Variants in CA10 observed in about 807,000 individuals in gnomAD.
CA10 encodes the protein carbonic anhydrase 10 (inactive).
In CA10, 14 loss-of-function variants were observed where a neutral mutation model predicts 44.2. The observed-to-expected ratio is 0.32, with a 90% CI of 0.21 to 0.50. The LOEUF (loss-of-function observed/expected upper bound fraction) is 0.50. Ranked by LOEUF, CA10 falls within the 20% of genes least tolerant of loss-of-function variation. The probability of loss-of-function intolerance (pLI) is 0.99; values close to 1 mark genes in which losing one functional copy is unlikely to be tolerated. For synonymous variants in CA10, 159 were observed against 141.6 expected (o/e 1.12, Z -0.87); for missense variants, 350 against 409.7 (o/e 0.85, Z 1.26).
intron 4 of CA10, among the ~76,000 whole-genome samples, chr17:51,672,818 GC>G (rs1156245149): frequency 6.6e-6 from 1 of 152,162 alleles, no homozygotes; most frequent in Non-Finnish European, 1.5e-5. Context: ...AATTCTACCA[GC>G]CCAGATCCCT....
At chr17:51,779,506 T>C (rs1221607961) in intron 3 of CA10, among the ~76,000 whole-genome samples, 2 of 152,146 alleles carry the variant, frequency 1.3e-5, no homozygotes, top group Non-Finnish European at 2.9e-5. Flanking sequence ...AATCTGAAGG[T>C]GCTGCAGCAG....
chr17:51,761,994 G>C (rs1905227993), intron 3 of CA10: 1 of 152,122 alleles, frequency 6.6e-6, no homozygotes, highest in Non-Finnish European at 1.5e-5. Flanking sequence ...TTTCTAACTA[G>C]AGATCATATC....
intron 1 of CA10, among the ~76,000 whole-genome samples, chr17:52,104,202 T>TC (rs1491331223): frequency 1.3e-5 from 2 of 149,400 alleles, no homozygotes. Flanking sequence ...TTTTTTTTTT[T>TC]CTTCTCTGAG....
chr17:51,798,200 A>G (rs970417711), intron 3 of CA10, among the ~76,000 whole-genome samples: 25 of 152,240 alleles, frequency 1.6e-4, no homozygotes, highest in Admixed American at 2.6e-4. Flanking sequence ...GGGCAAGCAC[A>G]TTTATTGATC....
At chr17:51,890,835 G>T (rs544175567) in intron 3 of CA10, among the ~76,000 whole-genome samples, 1 of 152,314 alleles carries the variant, frequency 6.6e-6, no homozygotes, top group East Asian at 1.9e-4. Flanking sequence ...CTAGTTGACA[G>T]TTATGCCAGG....
At chr17:51,839,496 T>C (rs1412826617) in intron 3 of CA10, among the ~76,000 whole-genome samples, 1 of 64,378 alleles carries the variant, frequency 1.6e-5, no homozygotes, top group Non-Finnish European at 2.5e-5. Flanking sequence ...GCAAGACTCC[T>C]TCTCAAAAAA....
At chr17:52,098,062 C>CAG (rs1173189351) in intron 1 of CA10, among the ~76,000 whole-genome samples, 2 of 152,134 alleles carry the variant, frequency 1.3e-5, no homozygotes, top group Admixed American at 1.3e-4. Context: ...GCCTGTGCTG[C>CAG]AGCTGGCCTG....
chr17:51,849,231 G>GTA (rs1441221955), intron 3 of CA10, among the ~76,000 whole-genome samples: 1,028 of 55,270 alleles, frequency 0.019, 6 homozygotes, highest in East Asian at 0.062. Context: ...ATATATGTGT[G>GTA]TGTATATATA....
chr17:52,135,746 C>G (rs1989343462), intron 1 of CA10, among the ~76,000 whole-genome samples: 1 of 152,126 alleles, frequency 6.6e-6, no homozygotes, highest in Non-Finnish European at 1.5e-5. Context: ...ATACTTGTCT[C>G]CCTCTCTGCT....
At chr17:51,774,381 T>C (rs1905727533) in intron 3 of CA10, among the ~76,000 whole-genome samples, 1 of 151,530 alleles carries the variant, frequency 6.6e-6, no homozygotes, top group Non-Finnish European at 1.5e-5. Flanking sequence ...ATTCTGTGAG[T>C]GGGGTAGCAA....
At chr17:51,662,780 A>G (rs1339164739) in intron 4 of CA10, among the ~76,000 whole-genome samples, 1 of 152,208 alleles carries the variant, frequency 6.6e-6, no homozygotes, top group African/African-American at 2.4e-5. Context: ...AATTTTCCAT[A>G]GTTTCATTGA....
chr17:51,863,522 C>G (rs1979409189), intron 3 of CA10, among the ~76,000 whole-genome samples: 1 of 152,176 alleles, frequency 6.6e-6, no homozygotes, highest in Admixed American at 6.5e-5. Context: ...TGAAGAACCA[C>G]CTGGAGTTAG....
chr17:52,029,899 A>C (rs569558512), intron 2 of CA10, among the ~76,000 whole-genome samples: 3 of 152,348 alleles, frequency 2.0e-5, no homozygotes, highest in African/African-American at 7.2e-5. Flanking sequence ...ATTGTATTAT[A>C]ATACATATGT....
At chr17:52,079,530 A>C (rs940440760) in intron 1 of CA10, among the ~76,000 whole-genome samples, 4 of 151,954 alleles carry the variant, frequency 2.6e-5, no homozygotes, top group African/African-American at 4.8e-5. Context: ...TATTGGGTGA[A>C]TGCCTGATAA....
rs916988267 is a variant in CA10 at position 52,157,978 on chromosome 17, C to T, written c.-192G>A. On this transcript the variant is annotated 5_prime_UTR_variant, in exon 1 of 9. Coordinates refer to ENST00000451037, the MANE Select transcript of CA10 (RefSeq NM_020178.5). ...CAGTTTGAATTGTTCCGGCAAATCT[C>T]CCCTCGGGCTCGACGGATGTGCGCC... is the stretch of plus-strand genomic sequence containing the variant. 74 of 624,854 alleles carry T rather than the reference C, an allele frequency of 1.2e-4. 1 individual carries two copies. In the African/African-American group the frequency reaches 1.3e-3, roughly 11 times the overall value. 38.7% of individuals were successfully genotyped at this position (624,854 alleles called of 1,614,324 possible).
At chr17:51,960,147 A>C (rs1439814410) in intron 2 of CA10, among the ~76,000 whole-genome samples, 1 of 152,082 alleles carries the variant, frequency 6.6e-6, no homozygotes, top group Non-Finnish European at 1.5e-5. Context: ...GGATGAATGC[A>C]ATAGCAGAAT....
At chr17:52,002,457 G>A (rs1388701342) in intron 2 of CA10, among the ~76,000 whole-genome samples, 2 of 151,766 alleles carry the variant, frequency 1.3e-5, no homozygotes, top group South Asian at 2.1e-4. Flanking sequence ...TGGGGTCATC[G>A]AACAGAGAAT....
At chr17:51,730,039 G>A (rs1916662505) in intron 4 of CA10, among the ~76,000 whole-genome samples, 1 of 152,222 alleles carries the variant, frequency 6.6e-6, no homozygotes, top group African/African-American at 2.4e-5. Context: ...CAAGAGTCAA[G>A]TCTAAGCAAT....
intron 3 of CA10, among the ~76,000 whole-genome samples, chr17:51,830,201 AAAAAAAAAAAAAAAAG>A (rs2143781999): frequency 7.3e-6 from 1 of 136,820 alleles, no homozygotes; most frequent in Non-Finnish European, 1.6e-5. Context: ...ATCTCAAAAA[AAAAAAAAAAAAAAAAG>A]AAAAAGAAAA....
Sources: gnomAD v4.1 joint callset for allele counts (sites outside exome capture counted in the v4.1 genomes callset) on GRCh38, gnomAD v4.1.1 for gene constraint, MANE v1.5 for transcripts, NCBI Gene and HGNC (gene_info 2026-07-23, HGNC 2026-07-21) for gene names.